The following SLIT2 variants were observed in gnomAD, a reference collection of about 807,000 sequenced individuals.
The protein encoded by SLIT2 is slit guidance ligand 2, also known as slit homolog 2 protein.
A neutral mutation model predicts 185.7 loss-of-function variants in SLIT2; 41 were observed. The ratio of observed to expected loss-of-function variants is 0.22; its 90% CI spans 0.17 to 0.29. The LOEUF (loss-of-function observed/expected upper bound fraction) is 0.29, where lower values mean the gene tolerates loss of function less well. Ranked by LOEUF, SLIT2 falls within the 10% of genes least tolerant of loss-of-function variation. The pLI is 1.00. For synonymous variants in SLIT2, 693 were observed against 680.2 expected, an observed-to-expected ratio of 1.02 and a Z score of -0.29; for missense variants, 1,571 against 1,909.0, an observed-to-expected ratio of 0.82 and a Z score of 3.30.
At chr4:20,562,725 A>C (rs1348590947) in intron 26 of SLIT2, among the ~76,000 whole-genome samples, 1 of 151,820 alleles carries the variant, frequency 6.6e-6, no homozygotes, top group Admixed American at 6.6e-5. Flanking sequence ...GAAATGCCAT[A>C]ATGTAATTGC....
At chr4:20,474,673 G>T (rs16869641) in intron 5 of SLIT2, among the ~76,000 whole-genome samples, 10,135 of 151,830 alleles carry the variant, frequency 0.067, 437 homozygotes, top group Admixed American at 0.16. Context: ...TTGATTTTTT[G>T]CATCTTTAAC....
intron 9 of SLIT2, among the ~76,000 whole-genome samples, chr4:20,506,554 T>G (rs1307038676): frequency 6.6e-6 from 1 of 152,014 alleles, no homozygotes; most frequent in Admixed American, 6.6e-5. Context: ...TTTCACTTCT[T>G]TATTTTTTAT....
chr4:20,270,935 A>G (rs116390310), intron 4 of SLIT2, among the ~76,000 whole-genome samples: 207 of 152,084 alleles, frequency 1.4e-3, no homozygotes, highest in African/African-American at 4.4e-3. Context: ...TCGAGAGAAT[A>G]AGTTATAAGC....
At chr4:20,575,690 C>T (rs899372764) in intron 29 of SLIT2, among the ~76,000 whole-genome samples, 16 of 152,050 alleles carry the variant, frequency 1.1e-4, no homozygotes, top group African/African-American at 3.9e-4. Flanking sequence ...ACAAGCTTTC[C>T]TTCTGCTCTC....
intron 4 of SLIT2, among the ~76,000 whole-genome samples, chr4:20,287,496 CAG>C (rs1715372345): frequency 1.3e-5 from 2 of 152,162 alleles, no homozygotes; most frequent in Non-Finnish European, 2.9e-5. Flanking sequence ...AATGTTCTAA[CAG>C]GGTTCATATT....
chr4:20,544,211 A>G (rs1287349712), intron 21 of SLIT2, among the ~76,000 whole-genome samples: 1 of 152,180 alleles, frequency 6.6e-6, no homozygotes, highest in African/African-American at 2.4e-5. Flanking sequence ...GTTAAAATAA[A>G]AAATAAAAAA....
intron 4 of SLIT2, among the ~76,000 whole-genome samples, chr4:20,380,608 C>T (rs1724426137): frequency 6.6e-6 from 1 of 151,754 alleles, no homozygotes; most frequent in East Asian, 1.9e-4. Context: ...TCAGTCTCAA[C>T]AGATGAAAAA....
Position 20,550,865 on chromosome 4 carries a change from G to T in SLIT2, c.2528G>T (p.Gly843Val), listed in dbSNP as rs1263397870. 6.2e-7 allele frequency: 1 copy of T among 1,608,908 alleles called. No homozygotes were observed. Among genetic ancestry groups the T allele is most frequent in the East Asian group, 2.2e-5 (1 of 44,724 alleles). ...HGNDISVVPE[G>V]AFNDLSALSH... ...AATGACATTTCTGTTGTGCCTGAAG[G>T]TGCTTTCAATGATCTTTCTGCATTA... Residue 843 changes from glycine (G) to valine (V), a missense_variant, in exon 25 of 37, where the codon GGT becomes GTT. By Grantham distance (109) the Gly-to-Val change is moderately radical (BLOSUM62 -3). Coordinates refer to ENST00000504154, the MANE Select transcript of SLIT2 (RefSeq NM_004787.4).
At chr4:20,477,163 A>T (rs947968961) in intron 5 of SLIT2, among the ~76,000 whole-genome samples, 4 of 151,860 alleles carry the variant, frequency 2.6e-5, no homozygotes, top group Non-Finnish European at 5.9e-5. Flanking sequence ...CATAAAAAAA[A>T]AAAAAAAGAA....
chr4:20,480,574 C>T, intron 5 of SLIT2, 142 bp from the exon 6 acceptor site: 1 of 578,170 alleles, frequency 1.7e-6, no homozygotes, highest in Non-Finnish European at 3.1e-6. Flanking sequence ...TGGCTTATGA[C>T]ATTCGTAAGC....
chr4:20,514,583 T>C (rs1324691348), intron 11 of SLIT2, among the ~76,000 whole-genome samples: 2 of 152,118 alleles, frequency 1.3e-5, no homozygotes, highest in African/African-American at 2.4e-5. Flanking sequence ...AGACGAATGT[T>C]GTAGTGAGCC....
chr4:20,418,867 G>A (rs1727922245), intron 4 of SLIT2, among the ~76,000 whole-genome samples: 3 of 152,094 alleles, frequency 2.0e-5, no homozygotes, highest in Non-Finnish European at 4.4e-5. Flanking sequence ...AAGGATTATG[G>A]TGTGAACTGT....
chr4:20,517,929 AAT>A (rs1158882304), intron 11 of SLIT2, among the ~76,000 whole-genome samples: 1 of 151,806 alleles, frequency 6.6e-6, no homozygotes, highest in Non-Finnish European at 1.5e-5. Flanking sequence ...TTCCCAAAAG[AAT>A]ATATCTCTGA....
chr4:20,502,433 A>G (rs1261321209), intron 9 of SLIT2, among the ~76,000 whole-genome samples: 2 of 152,214 alleles, frequency 1.3e-5, no homozygotes, highest in Non-Finnish European at 2.9e-5. Context: ...TATGGATGAA[A>G]GGGGACAGTC....
chr4:20,486,609 G>C (rs1717267676), intron 7 of SLIT2, among the ~76,000 whole-genome samples: 1 of 152,036 alleles, frequency 6.6e-6, no homozygotes, highest in Admixed American at 6.6e-5. Flanking sequence ...TTTTATTACT[G>C]TACTGCAAGC....
intron 4 of SLIT2, among the ~76,000 whole-genome samples, chr4:20,442,097 G>A (rs570697570): frequency 1.3e-5 from 2 of 152,092 alleles, no homozygotes; most frequent in Admixed American, 1.3e-4. Flanking sequence ...GGCAAACTGG[G>A]TTCAAATGAG....
At chr4:20,519,291 A>T in intron 11 of SLIT2, 91 bp from the exon 12 acceptor site, 1 of 702,192 alleles carries the variant, frequency 1.4e-6, no homozygotes, top group East Asian at 2.6e-5. Flanking sequence ...ATTGCCTACT[A>T]GCTTCCTGTA....
intron 11 of SLIT2, among the ~76,000 whole-genome samples, chr4:20,518,493 C>T (rs1720466342): frequency 1.6e-5 from 2 of 125,696 alleles, no homozygotes; most frequent in African/African-American, 2.9e-5. Context: ...ACCTCGTGAT[C>T]CGCCGGCCTC....
chr4:20,528,946 T>C lies in SLIT2; in HGVS notation c.1463-3T>C. On this transcript the variant is annotated splice_region_variant and splice_polypyrimidine_tract_variant and intron_variant, in intron 15 of 36. Transcript: ENST00000504154. This position sits in a 1 kb window ranked among gnomAD's most constrained non-coding sequence, Gnocchi z 4.2. ...TCTTTTTTTTGGTTTGAATTCTCAA[T>C]AGGTACAGAAGATTATCGATCAAAA... 1 of 1,608,162 alleles carries C rather than the reference T, an allele frequency of 6.2e-7. No individual in the cohort carries two copies. The highest frequency in any genetic ancestry group is 2.2e-5 in the East Asian group (1 of 44,836).
Sources: gnomAD v4.1 joint callset for allele counts (sites outside exome capture counted in the v4.1 genomes callset) on GRCh38, gnomAD v4.1.1 for gene constraint, Gnocchi (gnomAD v3.1) non-coding constraint, MANE v1.5 for transcripts, NCBI Gene and HGNC (gene_info 2026-07-23, HGNC 2026-07-21) for gene names.